FAM83F: variants seen among roughly 807,000 people sequenced by gnomAD.
FAM83F encodes protein FAM83F.
Under a neutral mutation model 42.9 loss-of-function variants are expected in FAM83F, and 45 were observed. The observed-to-expected ratio is 1.05, with a 90% CI of 0.83 to 1.35. The LOEUF is 1.35. Ranked by LOEUF, FAM83F falls within the 40% of genes most tolerant of loss-of-function variation. The pLI is 0.00. For missense variants in FAM83F, 617 were observed against 695.9 expected, an observed-to-expected ratio of 0.89 and a Z score of 1.28; for synonymous variants, 306 against 298.3, an observed-to-expected ratio of 1.03 and a Z score of -0.27.
rs144193825 is a variant in FAM83F at position 40,021,358 on chromosome 22, C to G, written c.848C>G (p.Pro283Arg). The G allele has an allele frequency of 4.7e-5, 75 of 1,609,532 alleles. No homozygotes were observed. The African/African-American group carries it at 8.0e-4, about 17-fold the overall frequency. Reference protein sequence around the residue: ...LLLLTGQNVEPFDTEFRELYA... With the variant: ...LLLLTGQNVERFDTEFRELYA... ...CTCCTGACAGGACAGAACGTAGAGC[C>G]CTTTGACACGGAGTTCCGGGAGCTG... Residue 283 changes from proline (P) to arginine (R), a missense_variant, in exon 4 of 5, where the codon CCC becomes CGC. Physicochemically the swap from Pro to Arg is moderately radical, Grantham distance 103. Transcript: ENST00000333407. The surrounding 1 kb of genome is among the most constrained non-coding windows in gnomAD (Gnocchi z 8.7).
rs769188379 is a variant in FAM83F at position 40,021,376 on chromosome 22, G to A, written c.866G>A (p.Arg289Gln). ...GTAGAGCCCTTTGACACGGAGTTCC[G>A]GGAGCTGTACGCCATCTCCGAGGAG... The part of the protein sequence containing the change: ...QNVEPFDTEF[R>Q]ELYAISEEVD... Residue 289 changes from arginine (R) to glutamine (Q), a missense_variant, in exon 4 of 5, where the codon CGG (arginine) becomes CAG (glutamine). Coordinates refer to ENST00000333407, the MANE Select transcript of FAM83F (RefSeq NM_138435.4). This position sits in a 1 kb window ranked among gnomAD's most constrained non-coding sequence, Gnocchi z 8.7. 22 of 1,612,546 alleles carry A rather than the reference G, an allele frequency of 1.4e-5. No individual in the cohort carries two copies. Among genetic ancestry groups the A allele is most frequent in the Admixed American group, 8.3e-5 (5 of 59,882 alleles).
chr22:39,998,513 G>A (rs1336544782), intron 1 of FAM83F, among the ~76,000 whole-genome samples: 1 of 151,874 alleles, frequency 6.6e-6, no homozygotes, highest in East Asian at 1.9e-4. Flanking sequence ...ACATGAATGG[G>A]GGGTGAGGGG....
chr22:40,011,715 G>C (rs2067465373), intron 1 of FAM83F, among the ~76,000 whole-genome samples: 1 of 152,220 alleles, frequency 6.6e-6, no homozygotes, highest in Non-Finnish European at 1.5e-5. Context: ...TCTGTCTGCT[G>C]TAAAACATTC....
At chr22:40,016,802 T>G (rs1215441120) in intron 1 of FAM83F, among the ~76,000 whole-genome samples, 1 of 152,036 alleles carries the variant, frequency 6.6e-6, no homozygotes, top group Non-Finnish European at 1.5e-5. Flanking sequence ...TAGCTGGGAT[T>G]ACAGGCACCC....
In FAM83F at chr22:39,995,505, A is replaced by G; in HGVS notation, c.463A>G (p.Arg155Gly). The G allele has an allele frequency of 6.3e-7, 1 of 1,575,704 alleles. No homozygotes were observed. Among genetic ancestry groups the G allele is most frequent in the Non-Finnish European group, 8.6e-7 (1 of 1,159,770 alleles). Residue 155 changes from arginine (R) to glycine (G), a missense_variant, in exon 1 of 5, where the codon AGG (arginine) becomes GGG (glycine). Physicochemically the swap from Arg to Gly is moderately radical, Grantham distance 125. Transcript: ENST00000333407. This position sits in a 1 kb window ranked among gnomAD's most constrained non-coding sequence, Gnocchi z 4.6. The stretch of plus-strand genomic sequence containing the variant: ...GGCGCCGCACCTCAAGCAGGTGGTC[A>G]GGCAGATGATCCAACAGGCCCAGAA... ...EKAPHLKQVV[R>G]QMIQQAQKVI...
At chr22:40,025,843 A>G (rs750272763) in intron 4 of FAM83F, among the ~76,000 whole-genome samples, 3 of 152,206 alleles carry the variant, frequency 2.0e-5, no homozygotes, top group Non-Finnish European at 2.9e-5. Flanking sequence ...GAGGGTCCTC[A>G]GACCAGCCGA....
In FAM83F at chr22:39,995,411, G is replaced by A. The variant is rs2067369163; in HGVS notation, c.369G>A (p.Trp123Ter). 6.5e-7 allele frequency: 1 copy of A among 1,550,182 alleles called. No homozygotes were observed. Among genetic ancestry groups the A allele is most frequent in the South Asian group, 1.2e-5 (1 of 84,150 alleles). The change falls in exon 1 of 5, where the codon TGG becomes TGA. Residue 123 changes from tryptophan (W) to a stop codon, truncating the protein, a stop_gained. Transcript: ENST00000333407. LOFTEE classifies it high-confidence loss of function. This position sits in a 1 kb window ranked among gnomAD's most constrained non-coding sequence, Gnocchi z 4.6. ...DTEVPPLDLG[W>*]TDTGFYRGVS... ...AGGTGCCTCCTCTGGACCTGGGCTGGACGGACACTGGTTTCTACCGCGGCG... is the reference window on the plus strand; with the variant it reads ...AGGTGCCTCCTCTGGACCTGGGCTGAACGGACACTGGTTTCTACCGCGGCG...
chr22:40,013,096 A>C (rs2067475691), intron 1 of FAM83F, among the ~76,000 whole-genome samples: 1 of 150,996 alleles, frequency 6.6e-6, no homozygotes, highest in Admixed American at 6.6e-5. Context: ...AAAAAAAAAA[A>C]AAAAAAAAAA....
intron 1 of FAM83F, among the ~76,000 whole-genome samples, chr22:40,012,801 C>T (rs58286117): frequency 0.3 from 44,499 of 149,602 alleles, 6,879 homozygotes; most frequent in African/African-American, 0.35. Flanking sequence ...GGGCCAGGCA[C>T]GGTGGCTCAC....
Position 40,019,311 on chromosome 22 carries a change from G to C in FAM83F, c.633G>C (p.Leu211=). 6.2e-7 allele frequency: 1 copy of C among 1,614,014 alleles called. No individual in the cohort carries two copies. The highest frequency in any genetic ancestry group is 8.5e-7 in the Non-Finnish European group (1 of 1,179,952). ...VKYFLEMCQD[L]QLTDFRIRNI... is the part of the protein sequence containing the mutation. ...ATTTCCTGGAGATGTGTCAGGACCT[G>C]CAGCTCACTGACTTCCGGATTCGGG... The change falls in exon 2 of 5, where the codon CTG becomes CTC. Residue 211 remains leucine, a synonymous_variant. Coordinates refer to ENST00000333407, the MANE Select transcript of FAM83F (RefSeq NM_138435.4).
rs1375297294 is a variant in FAM83F, at chr22:40,036,184, T to C, written c.*6619T>C. On this transcript the variant is annotated 3_prime_UTR_variant, in exon 5 of 5. Transcript: ENST00000333407. ...TAGTAGTAGTGGCTTGCACCAACGC[T>C]CCTGCCCTAATTTTCAATATTTTTT... 2 of 152,094 alleles carry C rather than the reference T, an allele frequency of 1.3e-5. No homozygotes were observed. The allele number at this position is 152,094 out of a possible 1,614,324, so 9.4% of individuals were successfully genotyped here.
rs771417369 is a variant in FAM83F at position 40,038,104 on chromosome 22, T to C, written c.*8539T>C. The C allele has an allele frequency of 6.6e-6, 1 of 152,268 alleles. No individual in the cohort carries two copies. Among genetic ancestry groups the C allele is most frequent in the Non-Finnish European group, 1.5e-5 (1 of 68,050 alleles). 9.4% of individuals were successfully genotyped at this position (152,268 alleles called of 1,614,324 possible). A position where few individuals can be genotyped will look rare whatever the true frequency, so the allele number is the denominator to read the frequency against. ...ACTTACTGTGTTCCAGGCACTGTGA[T>C]AAGATAGACCTGGCCTTTACCTTCA... On this transcript the variant is annotated 3_prime_UTR_variant, in exon 5 of 5. Transcript: ENST00000333407.
intron 4 of FAM83F, among the ~76,000 whole-genome samples, chr22:40,022,285 C>T (rs989948038): frequency 4.6e-5 from 7 of 152,256 alleles, no homozygotes; most frequent in Non-Finnish European, 1.0e-4. Flanking sequence ...GATCAGCCCT[C>T]ATGGTAACCC....
rs1200953470 is a variant in FAM83F, at chr22:40,033,060, G to A, written c.*3495G>A. 1 of 152,062 alleles carries A rather than the reference G, an allele frequency of 6.6e-6. No individual in the cohort carries two copies. The highest frequency in any genetic ancestry group is 2.4e-5 in the African/African-American group (1 of 41,504). The allele number at this position is 152,062 out of a possible 1,614,324, so 9.4% of individuals were successfully genotyped here. ...GTATTGGGGGAGTGGGTCTCATAAG[G>A]TTGTATGATGAGAAGCGCAAGTAAT... On this transcript the variant is annotated 3_prime_UTR_variant, in exon 5 of 5. Transcript: ENST00000333407.
In FAM83F at chr22:39,995,156, G is replaced by C; in HGVS notation, c.114G>C (p.Leu38=). The change falls in exon 1 of 5, where the codon CTG becomes CTC. Residue 38 remains leucine (L), a synonymous_variant. Coordinates refer to ENST00000333407, the MANE Select transcript of FAM83F (RefSeq NM_138435.4). This position sits in a 1 kb window ranked among gnomAD's most constrained non-coding sequence, Gnocchi z 4.6. ...CERRRAALEA[L]LGGGEQAYRE... ...GGCGGCGGGCCGCGCTGGAGGCGCT[G>C]CTGGGCGGCGGCGAGCAGGCCTACC... is the stretch of plus-strand genomic sequence containing the variant. The C allele has an allele frequency of 1.4e-6, 2 of 1,391,650 alleles. No individual in the cohort carries two copies. Among genetic ancestry groups the C allele is most frequent in the Non-Finnish European group, 1.8e-6 (2 of 1,081,924 alleles). 86.2% of individuals were successfully genotyped at this position (1,391,650 alleles called of 1,614,324 possible).
chr22:39,995,100 G>C lies in FAM83F; in HGVS notation c.58G>C (p.Glu20Gln). 7.4e-7 allele frequency: 1 copy of C among 1,357,304 alleles called. No homozygotes were observed. The highest frequency in any genetic ancestry group is 1.9e-5 in the South Asian group (1 of 53,592). 84.1% of individuals were successfully genotyped at this position (1,357,304 alleles called of 1,614,324 possible). A position where few individuals can be genotyped will look rare whatever the true frequency, so the allele number is the denominator to read the frequency against. ...DEAHVNEKVT[E>Q]AQAAFYYCER... is the part of the protein sequence containing the mutation. The stretch of plus-strand genomic sequence containing the variant: ...GGCGCACGTGAACGAGAAGGTGACC[G>C]AGGCGCAGGCCGCCTTCTACTACTG... Residue 20 changes from glutamate to glutamine, a missense_variant, in exon 1 of 5, where the codon GAG becomes CAG. Coordinates refer to ENST00000333407, the MANE Select transcript of FAM83F (RefSeq NM_138435.4). The surrounding 1 kb of genome is among the most constrained non-coding windows in gnomAD (Gnocchi z 4.6).
rs1364593194 is a variant in FAM83F at position 39,995,267 on chromosome 22, G to C, written c.225G>C (p.Glu75Asp). The C allele has an allele frequency of 1.3e-6, 2 of 1,535,494 alleles. No homozygotes were observed. Among genetic ancestry groups the C allele is most frequent in the African/African-American group, 2.7e-5 (2 of 72,888 alleles). The change falls in exon 1 of 5, where the codon GAG becomes GAC. Residue 75 changes from glutamate to aspartate, a missense_variant. Glu to Asp is a conservative substitution (Grantham distance 45, BLOSUM62 2). Transcript: ENST00000333407. The surrounding 1 kb of genome is among the most constrained non-coding windows in gnomAD (Gnocchi z 4.6). ...TGCGGGCCGCCTGGAGCCCCTACGAGGACGCCGTCCCCGCCGCCAACGCCC... is the reference window on the plus strand; with the variant it reads ...TGCGGGCCGCCTGGAGCCCCTACGACGACGCCGTCCCCGCCGCCAACGCCC... ...QALRAAWSPY[E>D]DAVPAANARG...
chr22:39,995,322 C>T lies in FAM83F; in HGVS notation c.280C>T (p.Pro94Ser), dbSNP rs753612158. 1.3e-6 allele frequency: 2 copies of T among 1,538,700 alleles called. No individual in the cohort carries two copies. Among genetic ancestry groups the T allele is most frequent in the Non-Finnish European group, 8.7e-7 (1 of 1,145,722 alleles). ...CAAGAGCAAGGCCAAGGCCAAGGCCCCCGCGCCGGCGCCGGCTGAGTCCGG... is the reference window on the plus strand; with the variant it reads ...CAAGAGCAAGGCCAAGGCCAAGGCCTCCGCGCCGGCGCCGGCTGAGTCCGG... ...RGKSKAKAKA[P>S]APAPAESGES... Residue 94 changes from proline (P) to serine (S), a missense_variant, in exon 1 of 5, where the codon CCC (proline) becomes TCC (serine). Transcript: ENST00000333407. The surrounding 1 kb of genome is among the most constrained non-coding windows in gnomAD (Gnocchi z 4.6).
At position 40,029,591 on chromosome 22, in the gene FAM83F, G is replaced by T. The variant is rs781690249; in HGVS notation, c.*26G>T. On this transcript the variant is annotated 3_prime_UTR_variant, in exon 5 of 5. Transcript: ENST00000333407. ...GCTGCGGGATGGTGGTGGGCAGGAC[G>T]TGTGGATGCCTGCCTGCCCTGCCCT... The T allele has an allele frequency of 3.1e-6, 5 of 1,607,614 alleles. No individual in the cohort carries two copies. The South Asian group carries it at 5.6e-5, about 18-fold the overall frequency.
Sources: gnomAD v4.1 joint callset for allele counts (sites outside exome capture counted in the v4.1 genomes callset) on GRCh38, gnomAD v4.1.1 for gene constraint, Gnocchi (gnomAD v3.1) non-coding constraint, MANE v1.5 for transcripts, NCBI Gene and HGNC (gene_info 2026-07-23, HGNC 2026-07-21) for gene names.